MTERF4: variants seen among roughly 807,000 people sequenced by gnomAD.
The protein encoded by MTERF4 is mitochondrial transcription termination factor 4.
A neutral mutation model predicts 22.5 loss-of-function variants in MTERF4; 17 were observed. The observed-to-expected ratio is 0.75, with a 90% CI of 0.52 to 1.13. The LOEUF (loss-of-function observed/expected upper bound fraction) is 1.13, where lower values mean the gene tolerates loss of function less well. Ranked by LOEUF, MTERF4 falls within the 50% of genes most tolerant of loss-of-function variation. The probability of loss-of-function intolerance (pLI) is 0.00; values close to 1 mark genes in which losing one functional copy is unlikely to be tolerated. For synonymous variants in MTERF4, 165 were observed against 175.3 expected (o/e 0.94, Z 0.47); for missense variants, 420 against 466.8 (o/e 0.90, Z 0.92).
At chr2:241,048,407 C>T in the MTERF4 span, 1 of 1,611,450 alleles carries the variant, frequency 6.2e-7, no homozygotes, top group Non-Finnish European at 8.5e-7. Flanking sequence ...GTGCGAGTGC[C>T]CCGAAGGCTT....
chr2:241,045,186 T>A, the MTERF4 span, among the ~76,000 whole-genome samples: 4,356 of 152,296 alleles, frequency 0.029, 222 homozygotes, highest in African/African-American at 0.1. Context: ...CATACCATGT[T>A]CATGGATTAG....
chr2:241,077,268 T>C (rs1437542150), intron 4 of MTERF4, among the ~76,000 whole-genome samples: 1 of 152,004 alleles, frequency 6.6e-6, no homozygotes, highest in Non-Finnish European at 1.5e-5. Flanking sequence ...ATAACACAAA[T>C]TACCACAAAT....
chr2:241,085,855 G>A (rs999362329), downstream of MTERF4, among the ~76,000 whole-genome samples: 3 of 144,468 alleles, frequency 2.1e-5, no homozygotes, highest in Admixed American at 6.9e-5. Context: ...GCCTTTCTGC[G>A]GTTTCTTTTT....
intron 4 of MTERF4, chr2:241,081,589 G>GGTCAA: frequency 1.0e-6 from 1 of 990,702 alleles, no homozygotes; most frequent in Non-Finnish European, 1.6e-6. Flanking sequence ...CCCTGCATCA[G>GGTCAA]GTCATCAAGG....
At chr2:241,097,214 AC>A in intron 3 of MTERF4, 28 bp downstream of exon 3, 1 of 1,610,100 alleles carries the variant, frequency 6.2e-7, no homozygotes, top group Non-Finnish European at 8.5e-7. Flanking sequence ...ACCTGAAACT[AC>A]GCTAATCACG....
chr2:241,065,770 T>C, the MTERF4 span, among the ~76,000 whole-genome samples: 1 of 152,056 alleles, frequency 6.6e-6, no homozygotes, highest in Non-Finnish European at 1.5e-5. Context: ...CAGAGCTGTG[T>C]GGGAGTGGCC....
At chr2:241,062,870 C>T in the MTERF4 span, 2 of 1,609,500 alleles carry the variant, frequency 1.2e-6, no homozygotes, top group Non-Finnish European at 1.7e-6. Flanking sequence ...TGTGCCTCTG[C>T]AGCACAGGCT....
chr2:241,099,392 G>A lies in MTERF4; in HGVS notation c.520+4C>T. 1.2e-6 allele frequency: 2 copies of A among 1,610,862 alleles called. No individual in the cohort carries two copies. Among genetic ancestry groups the A allele is most frequent in the Non-Finnish European group, 1.7e-6 (2 of 1,178,304 alleles). ...ACCCAGCCAAAATCTGCAACTTCTT[G>A]TACCTTCTCCAAGCCCAAGCTTTTG... On this transcript the variant is annotated splice_donor_region_variant and intron_variant, in intron 2 of 3. Coordinates refer to ENST00000391980, the MANE Select transcript of MTERF4 (RefSeq NM_182501.4).
chr2:241,065,596 G>A, the MTERF4 span: 5 of 1,610,548 alleles, frequency 3.1e-6, no homozygotes, highest in African/African-American at 1.3e-5. Context: ...GCCCGCACGC[G>A]TGAGTGTCCC....
the MTERF4 span, among the ~76,000 whole-genome samples, chr2:241,062,229 C>T: frequency 2.0e-4 from 30 of 152,292 alleles, no homozygotes; most frequent in African/African-American, 6.5e-4. Flanking sequence ...GAAGGGTACA[C>T]GGTCGGATGA....
At chr2:241,044,543 T>A in the MTERF4 span, among the ~76,000 whole-genome samples, 2 of 152,192 alleles carry the variant, frequency 1.3e-5, no homozygotes, top group Non-Finnish European at 2.9e-5. Flanking sequence ...GAGTTTACCA[T>A]TTTTTGTTTT....
At chr2:241,097,715 T>C (rs2064520223) in intron 2 of MTERF4, among the ~76,000 whole-genome samples, 1 of 152,204 alleles carries the variant, frequency 6.6e-6, no homozygotes, top group African/African-American at 2.4e-5. Flanking sequence ...GGGTCTCCTC[T>C]TGCCCTCCTC....
the MTERF4 span, chr2:241,049,133 A>C: frequency 1.9e-6 from 3 of 1,610,782 alleles, no homozygotes; most frequent in Non-Finnish European, 2.5e-6. Context: ...AATGCCAGCC[A>C]CTGTGAGTAG....
chr2:241,068,009 C>T (rs1559290686), downstream of MTERF4: 8 of 1,461,882 alleles, frequency 5.5e-6, no homozygotes, highest in South Asian at 2.5e-5. The surrounding 1 kb of genome is among the most constrained non-coding windows in gnomAD (Gnocchi z 5.3). Context: ...CTCGGGGACA[C>T]GGGGCCCAGG....
chr2:241,044,214 C>T, the MTERF4 span, among the ~76,000 whole-genome samples: 5 of 152,252 alleles, frequency 3.3e-5, no homozygotes, highest in East Asian at 7.7e-4. Flanking sequence ...TTGGTAGTTA[C>T]ATTAAAATGT....
the MTERF4 span, chr2:241,065,493 C>G: frequency 1.2e-6 from 2 of 1,612,918 alleles, no homozygotes; most frequent in Non-Finnish European, 1.7e-6. Flanking sequence ...GCTCCAGGCC[C>G]TGGCGGCCGG....
At chr2:241,067,991 G>A, downstream of MTERF4, 1 of 1,563,652 alleles carries the variant, frequency 6.4e-7, no homozygotes, top group East Asian at 2.3e-5. Context: ...TGAAGGCAGG[G>A]GTGGGGGCTC....
chr2:241,074,536 C>T (rs1021804781), exon 5 of MTERF4: 7 of 152,124 alleles, frequency 4.6e-5, no homozygotes, highest in African/African-American at 9.7e-5. Context: ...ATTGGAGGGG[C>T]GTGTGTTACC....
At chr2:241,088,474 G>T, downstream of MTERF4, 1 of 1,252,878 alleles carries the variant, frequency 8.0e-7, no homozygotes, top group Non-Finnish European at 1.2e-6. Context: ...CCAGCCCCGG[G>T]ATCTCAGAGT....
Sources: allele counts gnomAD v4.1 joint callset (sites outside exome capture counted in the v4.1 genomes callset), GRCh38; gene constraint gnomAD v4.1.1; non-coding constraint Gnocchi (gnomAD v3.1); transcripts MANE v1.5; gene names NCBI Gene and HGNC (gene_info 2026-07-23, HGNC 2026-07-21).